ADGRL2: variants seen among roughly 807,000 people sequenced by gnomAD.
ADGRL2 encodes the protein calcium-independent alpha-latrotoxin receptor 2.
Under a neutral mutation model 157.4 loss-of-function variants are expected in ADGRL2, and 44 were observed. The observed-to-expected ratio is 0.28, with a 90% CI of 0.22 to 0.36. ADGRL2 has a LOEUF of 0.36. Ranked by LOEUF, ADGRL2 falls within the 10% of genes least tolerant of loss-of-function variation. The probability of loss-of-function intolerance (pLI) is 1.00; values close to 1 mark genes in which losing one functional copy is unlikely to be tolerated. For missense variants in ADGRL2, 1,510 were observed against 1,768.9 expected, an observed-to-expected ratio of 0.85 and a Z score of 2.63; for synonymous variants, 585 against 624.7, an observed-to-expected ratio of 0.94 and a Z score of 0.95.
At chr1:81,954,766 A>G (rs1046040225) in intron 10 of ADGRL2, among the ~76,000 whole-genome samples, 1 of 152,206 alleles carries the variant, frequency 6.6e-6, no homozygotes, top group Non-Finnish European at 1.5e-5. Context: ...GAACGAGGAT[A>G]TTAAGATGGA....
chr1:81,501,497 T>G (rs1452630144), intron 2 of ADGRL2, among the ~76,000 whole-genome samples: 1 of 152,252 alleles, frequency 6.6e-6, no homozygotes, highest in Non-Finnish European at 1.5e-5. Flanking sequence ...ATGTGTCGTA[T>G]GCCTTATAAA....
chr1:81,402,647 A>G (rs986129267), intron 1 of ADGRL2, among the ~76,000 whole-genome samples: 18 of 152,182 alleles, frequency 1.2e-4, no homozygotes, highest in Non-Finnish European at 1.5e-5. Context: ...AAAATAACTC[A>G]GGTTTCTCTT....
At chr1:81,803,135 A>T (rs879393919) in intron 1 of ADGRL2, among the ~76,000 whole-genome samples, 18 of 151,712 alleles carry the variant, frequency 1.2e-4, no homozygotes, top group Admixed American at 9.8e-4. Context: ...GGTTTGTGGG[A>T]TGGGGGTGCC....
intron 1 of ADGRL2, among the ~76,000 whole-genome samples, chr1:81,752,547 C>CT (rs1253714522): frequency 6.6e-6 from 1 of 152,028 alleles, no homozygotes; most frequent in Non-Finnish European, 1.5e-5. Flanking sequence ...TTCTTTCCTC[C>CT]TTTTTTTGAA....
At chr1:81,882,738 A>G (rs2094020238) in intron 2 of ADGRL2, among the ~76,000 whole-genome samples, 1 of 152,212 alleles carries the variant, frequency 6.6e-6, no homozygotes, top group Admixed American at 6.5e-5. Context: ...TAGCCCTCAA[A>G]TAATTTTATG....
At chr1:81,845,455 A>G (rs2092750842) in intron 2 of ADGRL2, among the ~76,000 whole-genome samples, 1 of 152,070 alleles carries the variant, frequency 6.6e-6, no homozygotes, top group South Asian at 2.1e-4. Flanking sequence ...TGACCAGTAT[A>G]TAAATCCATG....
intron 18 of ADGRL2, chr1:81,980,775 T>C: frequency 1.5e-6 from 1 of 672,992 alleles, no homozygotes; most frequent in South Asian, 1.8e-5. Flanking sequence ...TTCCTCTTTC[T>C]GTCTTCTCAT....
intron 17 of ADGRL2, among the ~76,000 whole-genome samples, chr1:81,977,666 T>C (rs1354690503): frequency 3.3e-5 from 5 of 151,774 alleles, no homozygotes; most frequent in Admixed American, 1.3e-4. Context: ...TACATTGTAG[T>C]GGATAATGAA....
At chr1:81,619,743 G>C (rs2081748298) in intron 3 of ADGRL2, among the ~76,000 whole-genome samples, 1 of 146,058 alleles carries the variant, frequency 6.8e-6, no homozygotes, top group African/African-American at 2.4e-5. Flanking sequence ...GTGTGTGTGT[G>C]TGTGTGTGTG....
chr1:81,403,830 C>T (rs1270799623), intron 1 of ADGRL2, among the ~76,000 whole-genome samples: 2 of 144,628 alleles, frequency 1.4e-5, no homozygotes, highest in African/African-American at 5.2e-5. Context: ...CAGAATCACA[C>T]TCTATTGTCC....
chr1:81,721,915 C>G (rs1474998732), intron 1 of ADGRL2: 5 of 701,030 alleles, frequency 7.1e-6, no homozygotes, highest in South Asian at 1.4e-5. Flanking sequence ...GACAAACCAT[C>G]AAGTGAGGAA....
chr1:81,694,105 G>T (rs896800027), intron 3 of ADGRL2, among the ~76,000 whole-genome samples: 4 of 152,010 alleles, frequency 2.6e-5, no homozygotes, highest in Non-Finnish European at 5.9e-5. Flanking sequence ...TCACTTTGAA[G>T]ATGACATTAA....
chr1:81,757,527 C>A (rs1328980633), intron 1 of ADGRL2, among the ~76,000 whole-genome samples: 2 of 152,136 alleles, frequency 1.3e-5, no homozygotes, highest in African/African-American at 4.8e-5. Context: ...AAGGTAAACA[C>A]CAATCTGTAA....
At chr1:81,504,653 G>A (rs1290810186) in intron 2 of ADGRL2, among the ~76,000 whole-genome samples, 1 of 152,126 alleles carries the variant, frequency 6.6e-6, no homozygotes, top group Non-Finnish European at 1.5e-5. Context: ...CAGGGATCAC[G>A]GGGGCGGGGA....
intron 3 of ADGRL2, among the ~76,000 whole-genome samples, chr1:81,665,957 T>C (rs2082742600): frequency 6.6e-6 from 1 of 152,130 alleles, no homozygotes; most frequent in Non-Finnish European, 1.5e-5. Context: ...TCATGTGTCT[T>C]CTTCCAATCA....
At chr1:81,538,280 T>G (rs1202929787) in intron 2 of ADGRL2, among the ~76,000 whole-genome samples, 1 of 152,094 alleles carries the variant, frequency 6.6e-6, no homozygotes, top group East Asian at 1.9e-4. Flanking sequence ...ATAGTTTGGA[T>G]AGGCAGGGTT....
At chr1:81,551,601 C>T (rs1395232446) in intron 2 of ADGRL2, among the ~76,000 whole-genome samples, 1 of 152,072 alleles carries the variant, frequency 6.6e-6, no homozygotes, top group African/African-American at 2.4e-5. Context: ...CAACCAAATG[C>T]TGTGATTATG....
chr1:81,766,737 C>T (rs1376445590), intron 2 of ADGRL2, among the ~76,000 whole-genome samples: 1 of 144,772 alleles, frequency 6.9e-6, no homozygotes, highest in Non-Finnish European at 1.5e-5. Context: ...GGCTGAGGCA[C>T]GAGAATCACT....
At position 81,854,314 on chromosome 1, in the gene ADGRL2, CT is replaced by C. The variant is rs542675243; in HGVS notation, c.73+17259del. Among the ~76,000 whole-genome samples the C allele has an allele frequency of 2.4e-3, 364 of 152,250 alleles. 4 individuals carry two copies. The highest frequency in any genetic ancestry group is 4.5e-3 in the Admixed American group (68 of 15,272). ...TAGGCAGTGTAGTCATTTGTATTGA[CT>C]TGGTCTCTGTTTTCTTTCACTGACA... is the stretch of plus-strand genomic sequence containing the variant. On this transcript the variant is annotated intron_variant, in intron 2 of 23. Coordinates refer to ENST00000686636, the MANE Select transcript of ADGRL2 (RefSeq NM_001366006.2).
Sources: gnomAD v4.1 joint callset for allele counts (sites outside exome capture counted in the v4.1 genomes callset) on GRCh38, gnomAD v4.1.1 for gene constraint, MANE v1.5 for transcripts, NCBI Gene and HGNC (gene_info 2026-07-23, HGNC 2026-07-21) for gene names.